MYO1E: variants seen among roughly 807,000 people sequenced by gnomAD.
The protein encoded by MYO1E is myosin IE.
In MYO1E, 68 loss-of-function variants were observed where a neutral mutation model predicts 151.1. The observed-to-expected ratio is 0.45, with a 90% confidence interval of 0.37 to 0.55. The LOEUF (loss-of-function observed/expected upper bound fraction) is 0.55. MYO1E is among the 20% of genes least tolerant of loss of function. The pLI is 0.00. For synonymous variants in MYO1E, 601 were observed against 501.7 expected (o/e 1.20, Z -2.64); for missense variants, 1,363 against 1,389.3 (o/e 0.98, Z 0.30).
chr15:59,168,961 A>C (rs2079576749), intron 22 of MYO1E, among the ~76,000 whole-genome samples: 1 of 152,248 alleles, frequency 6.6e-6, no homozygotes, highest in Non-Finnish European at 1.5e-5. Context: ...TATTATTAAA[A>C]GATAAAGTCT....
intron 2 of MYO1E, among the ~76,000 whole-genome samples, chr15:59,267,983 A>T (rs1183286960): frequency 1.3e-5 from 2 of 152,162 alleles, no homozygotes; most frequent in African/African-American, 4.8e-5. Context: ...TTAACAATCG[A>T]TCGCCCCAAA....
chr15:59,325,594 T>C (rs769097175), intron 1 of MYO1E, among the ~76,000 whole-genome samples: 8 of 152,222 alleles, frequency 5.3e-5, no homozygotes, highest in Non-Finnish European at 7.3e-5. Context: ...TGTATACATG[T>C]CCAATCATTT....
chr15:59,154,878 G>A (rs2079501184), intron 25 of MYO1E, among the ~76,000 whole-genome samples: 1 of 152,170 alleles, frequency 6.6e-6, no homozygotes, highest in Non-Finnish European at 1.5e-5. Flanking sequence ...TTGAACCACG[G>A]TTTTATCAGG....
intron 1 of MYO1E, among the ~76,000 whole-genome samples, chr15:59,295,909 G>A (rs2080445795): frequency 6.6e-6 from 1 of 152,166 alleles, no homozygotes; most frequent in South Asian, 2.1e-4. Context: ...TTATTATTAA[G>A]CTGAGCTGTG....
At chr15:59,250,100 T>C (rs996713475) in intron 4 of MYO1E, among the ~76,000 whole-genome samples, 2 of 136,762 alleles carry the variant, frequency 1.5e-5, no homozygotes, top group African/African-American at 6.2e-5. Context: ...CAGAAGAGAA[T>C]TAACTCAAGG....
chr15:59,279,059 A>G (rs1186082014), intron 1 of MYO1E, among the ~76,000 whole-genome samples: 3 of 152,152 alleles, frequency 2.0e-5, no homozygotes, highest in Non-Finnish European at 4.4e-5. Context: ...CCATTTAAAT[A>G]TATGTGACCA....
At chr15:59,336,039 C>CA (rs546914345) in intron 1 of MYO1E, among the ~76,000 whole-genome samples, 5,014 of 114,008 alleles carry the variant, frequency 0.044, 83 homozygotes, top group African/African-American at 0.052. Context: ...AACACAAAAG[C>CA]AAAAAAAAAA....
At chr15:59,287,449 G>C (rs1372083629) in intron 1 of MYO1E, among the ~76,000 whole-genome samples, 1 of 152,182 alleles carries the variant, frequency 6.6e-6, no homozygotes, top group African/African-American at 2.4e-5. Flanking sequence ...AACCAATTTG[G>C]AAGATCAGCA....
rs775292449 is a variant in MYO1E, at chr15:59,206,866, G to C, written c.1531-1381C>G. 527 of 1,465,898 alleles carry C rather than the reference G, an allele frequency of 3.6e-4. 1 individual carries two copies. Among genetic ancestry groups the C allele is most frequent in the Non-Finnish European group, 4.5e-4 (486 of 1,087,906 alleles). The allele number at this position is 1,465,898 out of a possible 1,614,324, so 90.8% of individuals were successfully genotyped here. ...GTAGAGTGCTGAAGGTCCTGCCAAC[G>C]GCTCTCTTGGCGTCTCAACGTTCGG... On this transcript the variant is annotated intron_variant, in intron 14 of 27. Transcript: ENST00000288235.
intron 1 of MYO1E, among the ~76,000 whole-genome samples, chr15:59,318,672 G>C (rs2080604991): frequency 1.3e-5 from 2 of 152,204 alleles, no homozygotes; most frequent in African/African-American, 4.8e-5. Context: ...AAGCCTACCA[G>C]AATGTTGACT....
At chr15:59,356,612 G>GT (rs2080854013) in intron 1 of MYO1E, among the ~76,000 whole-genome samples, 1 of 152,084 alleles carries the variant, frequency 6.6e-6, no homozygotes, top group Non-Finnish European at 1.5e-5. Context: ...TTTTGTTGTT[G>GT]TTTTTCCTGA....
chr15:59,215,987 G>C (rs1016393104), intron 10 of MYO1E, among the ~76,000 whole-genome samples: 1 of 152,098 alleles, frequency 6.6e-6, no homozygotes, highest in Admixed American at 6.5e-5. Context: ...CTTCTGTTTA[G>C]TATGACCCTG....
chr15:59,151,563 C>G (rs2079479032), intron 26 of MYO1E, among the ~76,000 whole-genome samples: 1 of 152,176 alleles, frequency 6.6e-6, no homozygotes, highest in African/African-American at 2.4e-5. Flanking sequence ...CTTAAGAGCT[C>G]TGTGGTCTTT....
At chr15:59,137,967 A>G (rs1451263105) in intron 27 of MYO1E, among the ~76,000 whole-genome samples, 12 of 152,236 alleles carry the variant, frequency 7.9e-5, no homozygotes, top group African/African-American at 2.9e-4. Context: ...CCGTTTTGCT[A>G]CCATGAAGAA....
At chr15:59,156,267 C>A (rs2079509176) in intron 25 of MYO1E, among the ~76,000 whole-genome samples, 1 of 152,230 alleles carries the variant, frequency 6.6e-6, no homozygotes, top group Non-Finnish European at 1.5e-5. Context: ...TCACTGCAAT[C>A]TCCACCTCCC....
intron 1 of MYO1E, among the ~76,000 whole-genome samples, chr15:59,334,161 G>C (rs923853491): frequency 6.6e-6 from 1 of 152,122 alleles, no homozygotes; most frequent in Non-Finnish European, 1.5e-5. Context: ...CACGCCTGTA[G>C]TTCCAGCGAC....
chr15:59,186,654 G>A (rs1265439258), intron 18 of MYO1E, among the ~76,000 whole-genome samples: 1 of 152,182 alleles, frequency 6.6e-6, no homozygotes, highest in East Asian at 1.9e-4. Context: ...GCAGACTGAG[G>A]TGGGAGAGAA....
At chr15:59,333,959 T>C (rs1224611588) in intron 1 of MYO1E, among the ~76,000 whole-genome samples, 1 of 152,160 alleles carries the variant, frequency 6.6e-6, no homozygotes, top group Non-Finnish European at 1.5e-5. Context: ...AATAGACCAA[T>C]TGCACTCAGT....
At chr15:59,214,029 A>G (rs2079898187) in intron 12 of MYO1E, among the ~76,000 whole-genome samples, 199 bp downstream of exon 12, 1 of 152,240 alleles carries the variant, frequency 6.6e-6, no homozygotes, top group South Asian at 2.1e-4. Flanking sequence ...TTAAAGAAGA[A>G]GGCAAATGCT....
Sources: allele counts gnomAD v4.1 joint callset (sites outside exome capture counted in the v4.1 genomes callset), GRCh38; gene constraint gnomAD v4.1.1; transcripts MANE v1.5; gene names NCBI Gene and HGNC (gene_info 2026-07-23, HGNC 2026-07-21).